Variants in SYNE1 observed in about 807,000 individuals in gnomAD.
SYNE1 encodes nesprin-1.
SYNE1 carries 616 observed loss-of-function variants against 1,111.0 expected under a neutral mutation model. The ratio of observed to expected loss-of-function variants is 0.55; its 90% confidence interval spans 0.52 to 0.59. SYNE1 has a LOEUF of 0.59. Among genes scored for constraint, SYNE1 ranks in the 20% least tolerant of loss-of-function variants. The pLI, the probability that SYNE1 is intolerant of heterozygous loss-of-function variation, is 0.00. For synonymous variants in SYNE1, 3,855 were observed against 3,825.8 expected (o/e 1.01, Z -0.28); for missense variants, 10,006 against 10,417.0 (o/e 0.96, Z 1.72).
chr6:152,289,281 A>G (rs1350883864), intron 95 of SYNE1, among the ~76,000 whole-genome samples: 1 of 152,204 alleles, frequency 6.6e-6, no homozygotes, highest in Non-Finnish European at 1.5e-5. Context: ...TGTGTATGAC[A>G]CTTACATAGC....
intron 129 of SYNE1, among the ~76,000 whole-genome samples, chr6:152,179,885 A>G (rs921582553): frequency 3.3e-5 from 5 of 151,808 alleles, no homozygotes; most frequent in Admixed American, 2.6e-4. Context: ...GGGTTTCACC[A>G]TGTTGGCCAG....
At position 152,331,789 on chromosome 6, in the gene SYNE1, T is replaced by G. The variant is rs1206433048; in HGVS notation, c.12896A>C (p.Lys4299Thr). 6.2e-7 allele frequency: 1 copy of G among 1,614,238 alleles called. No individual in the cohort carries two copies. Among genetic ancestry groups the G allele is most frequent in the Non-Finnish European group, 8.5e-7 (1 of 1,180,044 alleles). The change falls in exon 78 of 146, where the codon AAG becomes ACG. Residue 4299 changes from lysine to threonine, a missense_variant. Around this residue, in one of 7 missense-constraint regions of SYNE1, gnomAD observed 4,955 missense variants for 5,017.2 expected, o/e 0.99. Transcript: ENST00000367255. ...KYAIEDLKDQKQKMIEHLNLD... is the reference protein window; with the variant it reads ...KYAIEDLKDQTQKMIEHLNLD... ...ATTCAGATGCTCTATCATTTTCTGC[T>G]TTTGATCTTTCAGATCTTCAATAGC...
At chr6:152,230,178 A>G (rs553074597) in intron 115 of SYNE1, among the ~76,000 whole-genome samples, 4 of 152,180 alleles carry the variant, frequency 2.6e-5, no homozygotes, top group Middle Eastern at 3.4e-3. Flanking sequence ...GACTACAGGG[A>G]CAAGCACCAC....
intron 130 of SYNE1, among the ~76,000 whole-genome samples, chr6:152,174,676 G>A (rs2813503): frequency 0.15 from 22,460 of 152,216 alleles, 2,294 homozygotes; most frequent in East Asian, 0.3. Flanking sequence ...TCCAGGACAC[G>A]CGCTTTGGAG....
chr6:152,520,480 G>C lies in SYNE1; in HGVS notation c.288C>G (p.Leu96=), dbSNP rs757234598. 3.1e-6 allele frequency: 5 copies of C among 1,613,604 alleles called. No homozygotes were observed. Among genetic ancestry groups the C allele is most frequent in the East Asian group, 2.2e-5 (1 of 44,856 alleles). ...TTACCTTTCTTCCTTCGAGGAACTTGAGTGCCGTGCCAATGTTAGCCACAG... is the reference window on the plus strand; with the variant it reads ...TTACCTTTCTTCCTTCGAGGAACTTCAGTGCCGTGCCAATGTTAGCCACAG... ...IHAVANIGTA[L]KFLEGRKIKL... is the part of the protein sequence containing the mutation. The change falls in exon 6 of 146, where the codon CTC becomes CTG. Residue 96 remains leucine, a synonymous_variant. Transcript: ENST00000367255.
chr6:152,428,072 A>T, intron 37 of SYNE1, 133 bp downstream of exon 37: 1 of 1,292,008 alleles, frequency 7.7e-7, no homozygotes, highest in Admixed American at 1.7e-5. Flanking sequence ...AACAAAGATC[A>T]AGAGTTTCCT....
In SYNE1 at chr6:152,451,627, C is replaced by T. The variant is rs187109890; in HGVS notation, c.3028-422G>A. Among the ~76,000 whole-genome samples the T allele has an allele frequency of 3.3e-3, 504 of 151,840 alleles. 4 individuals are homozygous for T. The highest frequency in any genetic ancestry group is 0.01 in the African/African-American group (421 of 41,380). ...CCTCCTGAGTAGCTGGGACTACAGG[C>T]AGCACCACCATGCCCAGCCACTTTT... On this transcript the variant is annotated intron_variant, in intron 25 of 145. Coordinates refer to ENST00000367255, the MANE Select transcript of SYNE1 (RefSeq NM_182961.4).
chr6:152,363,320 C>T (rs1438041472), intron 63 of SYNE1, among the ~76,000 whole-genome samples: 67 of 148,960 alleles, frequency 4.5e-4, no homozygotes, highest in Non-Finnish European at 4.5e-5. Context: ...CAGTGAAACC[C>T]CGTCTCTACT....
chr6:152,319,696 A>G (rs1275269433), intron 84 of SYNE1, among the ~76,000 whole-genome samples: 1 of 140,186 alleles, frequency 7.1e-6, no homozygotes, highest in Non-Finnish European at 1.6e-5. Flanking sequence ...CTTTAAAAAA[A>G]CCTCTTTAGT....
rs2099149598 is a variant in SYNE1, at chr6:152,523,401, C to G, written c.225+2679G>C. 3.9e-5 allele frequency among the ~76,000 whole-genome samples: 6 copies of G among 152,010 alleles called. No homozygotes were observed. In the South Asian group the frequency reaches 1.2e-3, roughly 31 times the overall value. ...TTATTTCTGAGTTCTCTATTCTGTT[C>G]CATTGGTCTATGTATCTACTTTTAT... is the stretch of plus-strand genomic sequence containing the variant. On this transcript the variant is annotated intron_variant, in intron 5 of 145. Transcript: ENST00000367255.
chr6:152,122,449 G>C lies in SYNE1; in HGVS notation c.26381C>G (p.Pro8794Arg), dbSNP rs766438191. 4 of 1,614,042 alleles carry C rather than the reference G, an allele frequency of 2.5e-6. No homozygotes were observed. Residue 8794 changes from proline to arginine, a missense_variant, in exon 146 of 146, where the codon CCT becomes CGT. Around this residue, in one of 7 missense-constraint regions of SYNE1, gnomAD observed 761 missense variants for 795.5 expected, o/e 0.96. Transcript: ENST00000367255. ...FHPMLRYTNGPPPL is the reference protein window; with the variant it reads ...FHPMLRYTNGRPPL ...CATCTGCTTAGTTCAGAGTGGAGGA[G>C]GGCCATTCGTGTATCTGAGCATGGG...
intron 98 of SYNE1, among the ~76,000 whole-genome samples, chr6:152,270,783 T>C (rs903694045): frequency 1.3e-5 from 2 of 151,900 alleles, no homozygotes; most frequent in Admixed American, 6.6e-5. Context: ...AGACTGATAA[T>C]GGGATAGAAA....
chr6:152,498,595 C>T (rs986494370), intron 11 of SYNE1, 147 bp downstream of exon 11: 2 of 489,988 alleles, frequency 4.1e-6, no homozygotes, highest in Non-Finnish European at 7.2e-6. Context: ...GTTATTTGTT[C>T]TGTTAGAAAG....
intron 100 of SYNE1, 78 bp from the exon 101 acceptor site, chr6:152,262,266 G>T: frequency 7.5e-7 from 1 of 1,324,648 alleles, no homozygotes; most frequent in Non-Finnish European, 1.1e-6. Flanking sequence ...GTGTGTACCA[G>T]ACCTGGCTTC....
rs1369936543 is a variant in SYNE1, at chr6:152,232,264, A to C, written c.20714T>G (p.Leu6905Arg). The C allele has an allele frequency of 1.2e-6, 2 of 1,613,924 alleles. No individual in the cohort carries two copies. The highest frequency in any genetic ancestry group is 1.1e-5 in the South Asian group (1 of 91,072). The change falls in exon 113 of 146, where the codon CTC (leucine) becomes CGC (arginine). Residue 6905 changes from leucine (L) to arginine (R), a missense_variant and splice_region_variant. Leu to Arg is a moderately radical substitution (Grantham distance 102). This residue lies in a region of SYNE1 where 2,182 missense variants were observed against 2,287.8 expected (regional missense o/e 0.95). Coordinates refer to ENST00000367255, the MANE Select transcript of SYNE1 (RefSeq NM_182961.4). ...IPAVQEKLHQLQMDKLPSRHA... is the reference protein window; with the variant it reads ...IPAVQEKLHQRQMDKLPSRHA... ...GCGGGAAGGCAGTTTATCCATCTGG[A>C]GCTGTCCAAGTCAGGGAGAGAACCA...
At chr6:152,349,834 T>C (rs1249524445) in intron 72 of SYNE1, among the ~76,000 whole-genome samples, 1 of 152,158 alleles carries the variant, frequency 6.6e-6, no homozygotes, top group African/African-American at 2.4e-5. Context: ...CTGATGGTTT[T>C]AAAAAGGGGA....
chr6:152,168,030 A>T (rs1404954621), intron 130 of SYNE1: 1 of 780,434 alleles, frequency 1.3e-6, no homozygotes, highest in South Asian at 1.3e-5. Context: ...ACAGTTCTGG[A>T]TTAAGGCTTC....
intron 10 of SYNE1, among the ~76,000 whole-genome samples, chr6:152,500,657 G>C (rs1472530700): frequency 6.6e-6 from 1 of 151,938 alleles, no homozygotes; most frequent in Non-Finnish European, 1.5e-5. Context: ...AGTCTATTTA[G>C]AAAACATATT....
At chr6:152,494,063 T>C (rs1421223883) in intron 11 of SYNE1, among the ~76,000 whole-genome samples, 1 of 152,214 alleles carries the variant, frequency 6.6e-6, no homozygotes, top group Non-Finnish European at 1.5e-5. Context: ...CTGCACTCTG[T>C]AGCCTTTCTA....
Sources: allele counts gnomAD v4.1 joint callset (sites outside exome capture counted in the v4.1 genomes callset), GRCh38; gene constraint gnomAD v4.1.1; regional missense constraint gnomAD v4.1.1; transcripts MANE v1.5; gene names NCBI Gene and HGNC (gene_info 2026-07-23, HGNC 2026-07-21).